POU3F3: variants seen among roughly 807,000 people sequenced by gnomAD.
POU3F3 encodes POU domain, class 3, transcription factor 3.
A neutral mutation model predicts 8.6 loss-of-function variants in POU3F3; 1 was observed. That is an observed-to-expected ratio of 0.12 (90% CI 0.04 to 0.55). The LOEUF is 0.55. POU3F3 is among the 20% of genes least tolerant of loss of function. The pLI, the probability that POU3F3 is intolerant of heterozygous loss-of-function variation, is 0.91. For missense variants in POU3F3, 577 were observed against 690.7 expected (o/e 0.84, Z 1.84); for synonymous variants, 418 against 327.4 (o/e 1.28, Z -2.99).
At chr2:104,925,063 T>C in the POU3F3 span, among the ~76,000 whole-genome samples, 2 of 152,232 alleles carry the variant, frequency 1.3e-5, no homozygotes, top group East Asian at 3.8e-4. Context: ...AGCCCTTTAA[T>C]GAGAAATTAA....
chr2:104,856,030 C>T lies in POU3F3; in HGVS notation c.520C>T (p.Pro174Ser). 3 of 987,812 alleles carry T rather than the reference C, an allele frequency of 3.0e-6. No individual in the cohort carries two copies. Among genetic ancestry groups the T allele is most frequent in the Non-Finnish European group, 3.6e-6 (3 of 834,336 alleles). 61.2% of individuals were successfully genotyped at this position (987,812 alleles called of 1,614,324 possible). A position where few individuals can be genotyped will look rare whatever the true frequency, so the allele number is the denominator to read the frequency against. ...LHHRGPPHLG[P>S]PPPPPHQGHP... ...CCACCGCGGGCCGCCGCACCTCGGA[C>T]CCCCGCCGCCGCCCCCACACCAGGG... The change falls in exon 1 of 1, where the codon CCC becomes TCC. Residue 174 changes from proline (P) to serine (S), a missense_variant. Pro to Ser is a moderately conservative substitution (Grantham distance 74). Around this residue, in one of 7 missense-constraint regions of POU3F3, gnomAD observed 484 missense variants for 422.6 expected, o/e 1.15. Transcript: ENST00000361360.
At position 104,855,420 on chromosome 2, in the gene POU3F3, CGCGGCGGCG is replaced by C. The variant is rs1184145745; in HGVS notation, c.-73_-65del. 1.1e-3 allele frequency: 548 copies of C among 495,578 alleles called. 1 individual carries two copies. The highest frequency in any genetic ancestry group is 2.4e-3 in the African/African-American group (67 of 28,178). 30.7% of individuals were successfully genotyped at this position (495,578 alleles called of 1,614,324 possible). On this transcript the variant is annotated 5_prime_UTR_variant, in exon 1 of 1. Transcript: ENST00000361360. Reference sequence around the variant, plus strand: ...GGGGGAGGAGGCGGGAGGCGGGGGGCGCGGCGGCGGCGGCGGCGGCGGCGGCCGCGGCTG... The same window carrying C: ...GGGGGAGGAGGCGGGAGGCGGGGGGCGCGGCGGCGGCGGCGGCCGCGGCTG...
At chr2:104,878,991 A>T in the POU3F3 span, among the ~76,000 whole-genome samples, 1 of 151,864 alleles carries the variant, frequency 6.6e-6, no homozygotes, top group Non-Finnish European at 1.5e-5. Context: ...GGCACACACA[A>T]CACACAACAT....
the POU3F3 span, among the ~76,000 whole-genome samples, chr2:104,877,711 TGCAGTGGCACAA>T: frequency 6.7e-6 from 1 of 149,788 alleles, no homozygotes; most frequent in East Asian, 2.0e-4. Context: ...CAGGCTGGAG[TGCAGTGGCACAA>T]TCTTGTCTCA....
chr2:104,857,204 C>A lies in POU3F3; in HGVS notation c.*191C>A. On this transcript the variant is annotated 3_prime_UTR_variant, in exon 1 of 1. Transcript: ENST00000361360. ...GCCCTCCCCTCCACCCAGAGACAGG[C>A]ATGCCCGCCCTTGGAGGAGAAAACG... The A allele has an allele frequency of 1.7e-6, 1 of 582,346 alleles. No homozygotes were observed. The highest frequency in any genetic ancestry group is 2.2e-6 in the Non-Finnish European group (1 of 460,486). The allele number at this position is 582,346 out of a possible 1,614,324, so 36.1% of individuals were successfully genotyped here. A position where few individuals can be genotyped will look rare whatever the true frequency, so the allele number is the denominator to read the frequency against.
chr2:104,901,816 G>A, the POU3F3 span, among the ~76,000 whole-genome samples: 90 of 152,226 alleles, frequency 5.9e-4, no homozygotes, highest in African/African-American at 2.0e-3. Flanking sequence ...GGCGGCCGGA[G>A]CCACGGCCAG....
At chr2:104,896,648 G>T in the POU3F3 span, among the ~76,000 whole-genome samples, 2 of 152,140 alleles carry the variant, frequency 1.3e-5, no homozygotes, top group African/African-American at 4.8e-5. Flanking sequence ...GAGCTGGCTT[G>T]CAGCCAGACC....
the POU3F3 span, among the ~76,000 whole-genome samples, chr2:104,877,652 CTTTTTTTCTTTTT>C: frequency 5.3e-5 from 8 of 149,720 alleles, no homozygotes; most frequent in Non-Finnish European, 1.2e-4. Flanking sequence ...CTTTTATTTT[CTTTTTTTCTTTTT>C]TTTTTTTTTT....
Position 104,855,543 on chromosome 2 carries a change from G to A in POU3F3, c.33G>A (p.Pro11=). MATAASNPYL[P]GNSLLAAGSI... ...CGGCGGCTTCTAACCCCTACCTGCC[G>A]GGGAACAGCCTGCTCGCGGCCGGCT... is the stretch of plus-strand genomic sequence containing the variant. Residue 11 remains proline (P), a synonymous_variant, in exon 1 of 1, where the codon CCG becomes CCA. Transcript: ENST00000361360. The A allele has an allele frequency of 9.5e-7, 1 of 1,047,144 alleles. No individual in the cohort carries two copies. The allele number at this position is 1,047,144 out of a possible 1,614,324, so 64.9% of individuals were successfully genotyped here.
the POU3F3 span, among the ~76,000 whole-genome samples, chr2:104,903,853 G>A: frequency 6.6e-6 from 1 of 152,146 alleles, no homozygotes; most frequent in African/African-American, 2.4e-5. Flanking sequence ...ACATACATCA[G>A]CTACATTAAG....
downstream of POU3F3, among the ~76,000 whole-genome samples, chr2:104,860,664 G>T (rs939258189): frequency 6.6e-6 from 1 of 150,634 alleles, no homozygotes; most frequent in Admixed American, 6.6e-5. Context: ...AGCCTCCGTC[G>T]CTCCCACAAC....
chr2:104,866,896 G>T, the POU3F3 span: 1 of 152,232 alleles, frequency 6.6e-6, no homozygotes, highest in Non-Finnish European at 1.5e-5. Flanking sequence ...GGGGGCAGTG[G>T]TACCCAAGAC....
At chr2:104,863,159 A>T (rs1023962289), downstream of POU3F3, among the ~76,000 whole-genome samples, 14 of 134,836 alleles carry the variant, frequency 1.0e-4, no homozygotes, top group South Asian at 2.5e-3. Context: ...TCATAATAAC[A>T]ATTATTATTA....
the POU3F3 span, among the ~76,000 whole-genome samples, chr2:104,914,844 C>G: frequency 6.6e-6 from 1 of 152,210 alleles, no homozygotes; most frequent in Non-Finnish European, 1.5e-5. Flanking sequence ...TTAGCACAAG[C>G]TGCAATCTGG....
the POU3F3 span, among the ~76,000 whole-genome samples, chr2:104,913,320 T>C: frequency 6.6e-6 from 1 of 152,158 alleles, no homozygotes; most frequent in Non-Finnish European, 1.5e-5. Context: ...CCAGCATATC[T>C]TCTGGATTCC....
the POU3F3 span, among the ~76,000 whole-genome samples, chr2:104,907,638 A>G: frequency 6.6e-6 from 1 of 152,182 alleles, no homozygotes. Context: ...GTAGCTATCC[A>G]TTCCTTTTGC....
Position 104,855,938 on chromosome 2 carries a change from CG to C in POU3F3, c.429del (p.Pro144ArgfsTer6). 9.4e-7 allele frequency: 1 copy of C among 1,061,420 alleles called. No homozygotes were observed. The highest frequency in any genetic ancestry group is 1.1e-6 in the Non-Finnish European group (1 of 877,710). The allele number at this position is 1,061,420 out of a possible 1,614,324, so 65.8% of individuals were successfully genotyped here. ...PQQPPQPPPP[P>X]PQGPDVKGGA... ...CAGCCACCGCAGCCGCCGCCGCCAC[CG>C]CCGCAGGGCCCCGACGTGAAGGGCG... On this transcript the variant is annotated frameshift_variant, in exon 1 of 1. Coordinates refer to ENST00000361360, the MANE Select transcript of POU3F3 (RefSeq NM_006236.3). LOFTEE classifies it low-confidence loss of function (END_TRUNC).
chr2:104,869,923 C>T, the POU3F3 span: 1 of 152,184 alleles, frequency 6.6e-6, no homozygotes, highest in African/African-American at 2.4e-5. Flanking sequence ...TCTGGGTCCT[C>T]TGAGTTCTCA....
At chr2:104,907,086 G>A in the POU3F3 span, among the ~76,000 whole-genome samples, 1 of 152,030 alleles carries the variant, frequency 6.6e-6, no homozygotes, top group Non-Finnish European at 1.5e-5. Flanking sequence ...GTGGGATCCT[G>A]CCCCAGCCCC....
Sources: gnomAD v4.1 joint callset for allele counts (sites outside exome capture counted in the v4.1 genomes callset) on GRCh38, gnomAD v4.1.1 for gene constraint, gnomAD v4.1.1 regional missense constraint, MANE v1.5 for transcripts, NCBI Gene and HGNC (gene_info 2026-07-23, HGNC 2026-07-21) for gene names.